Variants in STX6 observed in about 807,000 individuals in gnomAD.
STX6 encodes syntaxin 6.
Under a neutral mutation model 38.0 loss-of-function variants are expected in STX6, and 23 were observed. That is an observed-to-expected ratio of 0.60 (90% CI 0.43 to 0.86). The LOEUF is 0.86. Ranked by LOEUF, STX6 falls within the 40% of genes least tolerant of loss-of-function variation. The pLI is 0.00. For synonymous variants in STX6, 123 were observed against 107.5 expected, an observed-to-expected ratio of 1.14 and a Z score of -0.89; for missense variants, 274 against 312.9, an observed-to-expected ratio of 0.88 and a Z score of 0.94.
At position 180,993,412 on chromosome 1, in the gene STX6, T is replaced by G; in HGVS notation, c.314A>C (p.Gln105Pro). The part of the protein sequence containing the change: ...TRQVVRDMKD[Q>P]MSTSSVQALA... ...TGCCTGCACAGATGAAGTTGACATC[T>G]GATCTTTCATGTCCTAATGAGAAAG... Residue 105 changes from glutamine to proline, a missense_variant, in exon 4 of 8, where the codon CAG (glutamine) becomes CCG (proline). Gln to Pro is a moderately conservative substitution (Grantham distance 76). Coordinates refer to ENST00000258301, the MANE Select transcript of STX6 (RefSeq NM_005819.6). The G allele has an allele frequency of 6.3e-7, 1 of 1,593,670 alleles. No individual in the cohort carries two copies. Among genetic ancestry groups the G allele is most frequent in the Non-Finnish European group, 8.6e-7 (1 of 1,162,958 alleles).
intron 1 of STX6, among the ~76,000 whole-genome samples, chr1:181,009,515 C>A (rs1179415805): frequency 6.7e-6 from 1 of 149,650 alleles, no homozygotes; most frequent in Non-Finnish European, 1.5e-5. Context: ...GTCACTTCAC[C>A]AAAGACATAC....
At chr1:181,012,288 G>A (rs1558098981) in intron 1 of STX6, among the ~76,000 whole-genome samples, 1 of 152,166 alleles carries the variant, frequency 6.6e-6, no homozygotes, top group Non-Finnish European at 1.5e-5. Context: ...GAAAGAGAAA[G>A]ACGGCTATCT....
intron 2 of STX6, among the ~76,000 whole-genome samples, chr1:181,004,524 G>A (rs1470380416): frequency 6.6e-6 from 1 of 152,152 alleles, no homozygotes; most frequent in Non-Finnish European, 1.5e-5. Context: ...AACACCAAAA[G>A]GACAGAGTTC....
In STX6 at chr1:180,983,223, C is replaced by A. The variant is rs146824313; in HGVS notation, c.691+1454G>T. On this transcript the variant is annotated intron_variant, in intron 7 of 7. Transcript: ENST00000258301. ...ATGAGTTAAACTTCTGAAAAGTAAA[C>A]CTGCATATGTATTTAAATATTGCTT... 3.6e-3 allele frequency among the ~76,000 whole-genome samples: 543 copies of A among 152,200 alleles called. 7 individuals carry two copies. Among genetic ancestry groups the A allele is most frequent in the African/African-American group, 0.012 (497 of 41,512 alleles).
intron 1 of STX6, among the ~76,000 whole-genome samples, chr1:181,015,075 C>G (rs546705807): frequency 2.0e-5 from 3 of 152,234 alleles, no homozygotes; most frequent in Admixed American, 2.0e-4. Flanking sequence ...TTGTGCTGTT[C>G]TAGTTTTCTA....
At chr1:181,013,178 A>T (rs1656457932) in intron 1 of STX6, among the ~76,000 whole-genome samples, 1 of 152,148 alleles carries the variant, frequency 6.6e-6, no homozygotes, top group South Asian at 2.1e-4. Flanking sequence ...AAAATCACAA[A>T]GTTTTCTTAC....
rs138333839 is a variant in STX6 at position 181,020,348 on chromosome 1, TATCTC to T, written c.35+2286_35+2290del. ...TAGAAGACTTAGTACAAAAGTAAAA[TATCTC>T]ATCAATAATCTTTAATCACATGTTG... is the stretch of plus-strand genomic sequence containing the variant. On this transcript the variant is annotated intron_variant, in intron 1 of 7. Coordinates refer to ENST00000258301, the MANE Select transcript of STX6 (RefSeq NM_005819.6). 9.0e-4 allele frequency among the ~76,000 whole-genome samples: 137 copies of T among 152,302 alleles called. 1 individual carries two copies. The East Asian group carries it at 0.013, about 15-fold the overall frequency.
chr1:180,984,626 C>A (rs751744578), intron 7 of STX6, 51 bp downstream of exon 7: 1 of 779,178 alleles, frequency 1.3e-6, no homozygotes, highest in Non-Finnish European at 2.2e-6. Flanking sequence ...ACCCCCAAGA[C>A]AGAGTTCTAG....
chr1:180,977,361 C>G (rs1655284804), intron 7 of STX6, among the ~76,000 whole-genome samples: 1 of 152,218 alleles, frequency 6.6e-6, no homozygotes, highest in Admixed American at 6.5e-5. Flanking sequence ...GACAGAAGGG[C>G]CCAGACAGGC....
chr1:180,977,246 T>G (rs10798797), intron 7 of STX6, among the ~76,000 whole-genome samples: 152,338 of 152,352 alleles, frequency 1, 76,162 homozygotes, highest in Middle Eastern at 1. Context: ...AAAGTGGAAT[T>G]TTTTTTCTGA....
At chr1:180,995,164 T>C (rs1339543395) in intron 3 of STX6, among the ~76,000 whole-genome samples, 2 of 152,138 alleles carry the variant, frequency 1.3e-5, no homozygotes, top group Admixed American at 6.5e-5. Context: ...GGTTTCAGTA[T>C]GTTGGCCAGG....
intron 5 of STX6, chr1:180,988,607 T>C (rs891018777): frequency 4.2e-5 from 15 of 357,266 alleles, no homozygotes; most frequent in African/African-American, 3.2e-4. Context: ...TTTACTCTGG[T>C]TGGCTGACGT....
chr1:181,008,267 A>G (rs1248438623), intron 1 of STX6, among the ~76,000 whole-genome samples: 1 of 152,206 alleles, frequency 6.6e-6, no homozygotes, highest in Non-Finnish European at 1.5e-5. Flanking sequence ...TGTTTCCCTT[A>G]TACTACGATC....
chr1:181,008,580 G>A lies in STX6; in HGVS notation c.36-3117C>T, dbSNP rs947848702. On this transcript the variant is annotated intron_variant, in intron 1 of 7. Coordinates refer to ENST00000258301, the MANE Select transcript of STX6 (RefSeq NM_005819.6). The stretch of plus-strand genomic sequence containing the variant: ...GTCATTAGGAAAGTATTAGTCTACT[G>A]AGTATTGCAGAACCTCCAAATGCCA... Among the ~76,000 whole-genome samples the A allele has an allele frequency of 2.0e-5, 3 of 152,056 alleles. No homozygotes were observed. In the South Asian group the frequency reaches 6.2e-4, roughly 31 times the overall value.
chr1:180,993,557 T>C (rs1372446732), intron 3 of STX6, 132 bp from the exon 4 acceptor site: 2 of 521,694 alleles, frequency 3.8e-6, no homozygotes, highest in East Asian at 3.1e-5. Context: ...CTTGGCTTTA[T>C]TTTCAGTCTC....
chr1:181,012,964 G>A lies in STX6; in HGVS notation c.36-7501C>T, dbSNP rs559726416. On this transcript the variant is annotated intron_variant, in intron 1 of 7. Transcript: ENST00000258301. The stretch of plus-strand genomic sequence containing the variant: ...ATTGGTATTACAGGCATGAGCCACC[G>A]CGCCCAGCCAATTCTTCCATTCTTC... Among the ~76,000 whole-genome samples the A allele has an allele frequency of 3.0e-4, 46 of 152,016 alleles. 1 individual carries two copies. In the South Asian group the frequency reaches 8.5e-3, roughly 28 times the overall value.
rs959491970 is a variant in STX6 at position 180,984,693 on chromosome 1, T to C, written c.675A>G (p.Val225=). 8 of 1,553,258 alleles carry C rather than the reference T, an allele frequency of 5.2e-6. No homozygotes were observed. The highest frequency in any genetic ancestry group is 1.1e-5 in the South Asian group (1 of 89,760). Residue 225 remains valine (V), a synonymous_variant, in exon 7 of 8, where the codon GTA becomes GTG. Transcript: ENST00000258301. ...CATACATACCACTGGTCATATGAGA[T>C]ACTTTTGCAAGTTTCTTCATCACAT... ...LDNVMKKLAK[V]SHMTSDRRQW...
chr1:181,019,352 G>GAA lies in STX6; in HGVS notation c.35+3286_35+3287insTT, dbSNP rs111503260. On this transcript the variant is annotated intron_variant, in intron 1 of 7. Transcript: ENST00000258301. ...TCAAGGTGTAGGCTGGAAATACAGA[G>GAA]GAAAAAAAAAAAAAAAACAGTCCCA... Among the ~76,000 whole-genome samples the GAA allele has an allele frequency of 3.6e-3, 503 of 137,836 alleles. 5 individuals are homozygous for GAA. Among genetic ancestry groups the GAA allele is most frequent in the African/African-American group, 0.013 (476 of 37,444 alleles). The allele number at this position is 137,836 out of a possible 152,430, so 90.4% of individuals were successfully genotyped here.
chr1:180,981,247 T>C (rs1655406523), intron 7 of STX6, among the ~76,000 whole-genome samples: 1 of 152,050 alleles, frequency 6.6e-6, no homozygotes, highest in African/African-American at 2.4e-5. Context: ...TTGATGTCAA[T>C]AGTCAGGGAA....
Sources: allele counts gnomAD v4.1 joint callset (sites outside exome capture counted in the v4.1 genomes callset), GRCh38; gene constraint gnomAD v4.1.1; transcripts MANE v1.5; gene names NCBI Gene and HGNC (gene_info 2026-07-23, HGNC 2026-07-21).